SLFN14: variants seen among roughly 807,000 people sequenced by gnomAD.
The protein encoded by SLFN14 is schlafen family member 14.
In SLFN14, 47 loss-of-function variants were observed where a neutral mutation model predicts 58.6. The ratio of observed to expected loss-of-function variants is 0.80; its 90% CI spans 0.64 to 1.02. The LOEUF (loss-of-function observed/expected upper bound fraction) is 1.02. Among genes scored for constraint, SLFN14 ranks in the 50% least tolerant of loss-of-function variants. The probability of loss-of-function intolerance (pLI) is 0.00; values close to 1 mark genes in which losing one functional copy is unlikely to be tolerated. For missense variants in SLFN14, 967 were observed against 1,078.4 expected, an observed-to-expected ratio of 0.90 and a Z score of 1.45; for synonymous variants, 390 against 387.3, an observed-to-expected ratio of 1.01 and a Z score of -0.08.
At position 35,559,717 on chromosome 17, in the gene SLFN14, A is replaced by G. The variant is rs1021011603; in HGVS notation, c.-45+10T>C. 5.3e-5 allele frequency among the ~76,000 whole-genome samples: 8 copies of G among 152,140 alleles called. No homozygotes were observed. The highest frequency in any genetic ancestry group is 9.7e-5 in the African/African-American group (4 of 41,414). On this transcript the variant is annotated intron_variant, in intron 2 of 5. Coordinates refer to ENST00000674182, the MANE Select transcript of SLFN14 (RefSeq NM_001129820.2). Reference sequence around the variant, plus strand: ...AAAGCAGGGGCCCTGTGGGCATTGTATATACTCACCAAGAGGAAGAAAGCA... The same window carrying G: ...AAAGCAGGGGCCCTGTGGGCATTGTGTATACTCACCAAGAGGAAGAAAGCA...
At chr17:35,553,552 G>A (rs2072618763) in intron 4 of SLFN14, 108 bp from the exon 5 acceptor site, 8 of 880,820 alleles carry the variant, frequency 9.1e-6, no homozygotes, top group Non-Finnish European at 1.4e-5. Flanking sequence ...GAAAATAAGA[G>A]CTTTCCTTTA....
At chr17:35,558,685 C>A (rs901036751) in intron 2 of SLFN14, among the ~76,000 whole-genome samples, 1 of 152,130 alleles carries the variant, frequency 6.6e-6, no homozygotes, top group African/African-American at 2.4e-5. Flanking sequence ...AATTAAATTG[C>A]TAACATTTTC....
intron 3 of SLFN14, 46 bp from the exon 4 acceptor site, chr17:35,554,750 TAAAAAAAAA>T (rs10578465): frequency 1.0e-6 from 1 of 972,920 alleles, no homozygotes; most frequent in South Asian, 3.4e-5. Context: ...AATAAAAAGT[TAAAAAAAAA>T]AAAAAAAAAG....
rs1465737790 is a variant in SLFN14, at chr17:35,544,290, T to C, written c.*3949A>G. ...GGGTGGAAAATATCTCTACCTCTAA[T>C]GTTAGTAACTACAAAGGGTATAGAT... On this transcript the variant is annotated 3_prime_UTR_variant, in exon 6 of 6. Coordinates refer to ENST00000674182, the MANE Select transcript of SLFN14 (RefSeq NM_001129820.2). 2.0e-5 allele frequency among the ~76,000 whole-genome samples: 3 copies of C among 152,208 alleles called. No homozygotes were observed. Among genetic ancestry groups the C allele is most frequent in the African/African-American group, 2.4e-5 (1 of 41,434 alleles).
chr17:35,552,635 T>TAC (rs1260772225), intron 5 of SLFN14, 95 bp downstream of exon 5: 15 of 395,206 alleles, frequency 3.8e-5, no homozygotes, highest in African/African-American at 2.1e-4. Flanking sequence ...CACATATATA[T>TAC]ACATATATAT....
Position 35,557,419 on chromosome 17 carries a change from A to G in SLFN14, c.644T>C (p.Phe215Ser). Residue 215 changes from phenylalanine to serine, a missense_variant, in exon 3 of 6, where the codon TTC becomes TCC. Physicochemically the swap from Phe to Ser is radical, Grantham distance 155. Coordinates refer to ENST00000674182, the MANE Select transcript of SLFN14 (RefSeq NM_001129820.2). ...CCGAGGTATGACTTTTTTGGTGGTGAACCTTTTAAATTCAACATGTGTTGA... is the reference window on the plus strand; with the variant it reads ...CCGAGGTATGACTTTTTTGGTGGTGGACCTTTTAAATTCAACATGTGTTGA... The part of the protein sequence containing the change: ...TESTHVEFKR[F>S]TTKKVIPRIK... 1 of 1,551,666 alleles carries G rather than the reference A, an allele frequency of 6.4e-7. No homozygotes were observed. Among genetic ancestry groups the G allele is most frequent in the Non-Finnish European group, 8.7e-7 (1 of 1,146,986 alleles).
At position 35,557,481 on chromosome 17, in the gene SLFN14, G is replaced by C. The variant is rs769806227; in HGVS notation, c.582C>G (p.Asp194Glu). The change falls in exon 3 of 6, where the codon GAC (aspartate) becomes GAG (glutamate). Residue 194 changes from aspartate (D) to glutamate (E), a missense_variant. Transcript: ENST00000674182. ...TGAGTTTCTCCTTATACATGAGTTT[G>C]TCCTTTTTAAAAAATTCTGAGGCCA... Reference protein sequence around the residue: ...RILASEFFKKDKLMYKEKLNF... With the variant: ...RILASEFFKKEKLMYKEKLNF... 8 of 1,551,666 alleles carry C rather than the reference G, an allele frequency of 5.2e-6. No homozygotes were observed. The highest frequency in any genetic ancestry group is 2.7e-5 in the African/African-American group (2 of 73,150).
intron 4 of SLFN14, among the ~76,000 whole-genome samples, chr17:35,553,831 G>A (rs527915287): frequency 8.5e-5 from 13 of 152,088 alleles, no homozygotes; most frequent in Admixed American, 5.2e-4. Flanking sequence ...TAGAGACAGC[G>A]TTTCACCATG....
At position 35,546,299 on chromosome 17, in the gene SLFN14, G is replaced by A. The variant is rs1416887384; in HGVS notation, c.*1940C>T. ...CCAAAACTACCCTAAAGCCCCCAAGGAAAGGTAAAAAGGAAGAAACACCAG... is the reference window on the plus strand; with the variant it reads ...CCAAAACTACCCTAAAGCCCCCAAGAAAAGGTAAAAAGGAAGAAACACCAG... On this transcript the variant is annotated 3_prime_UTR_variant, in exon 6 of 6. Coordinates refer to ENST00000674182, the MANE Select transcript of SLFN14 (RefSeq NM_001129820.2). 6.6e-6 allele frequency among the ~76,000 whole-genome samples: 1 copy of A among 152,148 alleles called. No individual in the cohort carries two copies. Among genetic ancestry groups the A allele is most frequent in the African/African-American group, 2.4e-5 (1 of 41,432 alleles).
chr17:35,550,048 C>T (rs186881969), intron 5 of SLFN14, among the ~76,000 whole-genome samples: 1 of 152,184 alleles, frequency 6.6e-6, no homozygotes, highest in African/African-American at 2.4e-5. Flanking sequence ...TCAACATCAC[C>T]ACCTGCTGTA....
intron 1 of SLFN14, among the ~76,000 whole-genome samples, 187 bp downstream of exon 1, chr17:35,560,580 A>G (rs1316640895): frequency 6.6e-6 from 1 of 152,038 alleles, no homozygotes; most frequent in Non-Finnish European, 1.5e-5. Flanking sequence ...CACCTACCTG[A>G]GCCTCCCAAA....
chr17:35,546,223 A>G lies in SLFN14; in HGVS notation c.*2016T>C, dbSNP rs1218253009. On this transcript the variant is annotated 3_prime_UTR_variant, in exon 6 of 6. Transcript: ENST00000674182. ...TACATCTCCCTACATCAGAATGTCAATGCACTGGCATCTTTTGCAAAACCG... is the reference window on the plus strand; with the variant it reads ...TACATCTCCCTACATCAGAATGTCAGTGCACTGGCATCTTTTGCAAAACCG... 6.6e-6 allele frequency among the ~76,000 whole-genome samples: 1 copy of G among 152,188 alleles called. No homozygotes were observed. The highest frequency in any genetic ancestry group is 1.5e-5 in the Non-Finnish European group (1 of 68,028).
chr17:35,557,765 G>T lies in SLFN14; in HGVS notation c.298C>A (p.Gln100Lys). 1 of 1,551,686 alleles carries T rather than the reference G, an allele frequency of 6.4e-7. No individual in the cohort carries two copies. The highest frequency in any genetic ancestry group is 8.7e-7 in the Non-Finnish European group (1 of 1,146,984). ...AAAATCAGGAGATTGTGCCCCTGCT[G>T]CATGTAGTCAAGGTATTTCTGTGAA... ...SGSQKYLDYM[Q>K]QGHNLLIFVK... The change falls in exon 3 of 6, where the codon CAG becomes AAG. Residue 100 changes from glutamine to lysine, a missense_variant. Coordinates refer to ENST00000674182, the MANE Select transcript of SLFN14 (RefSeq NM_001129820.2).
Position 35,544,893 on chromosome 17 carries a change from C to T in SLFN14, c.*3346G>A, listed in dbSNP as rs1027768061. Among the ~76,000 whole-genome samples, 1 of 152,040 alleles carries T rather than the reference C, an allele frequency of 6.6e-6. No homozygotes were observed. Among genetic ancestry groups the T allele is most frequent in the African/African-American group, 2.4e-5 (1 of 41,394 alleles). On this transcript the variant is annotated 3_prime_UTR_variant, in exon 6 of 6. Transcript: ENST00000674182. The stretch of plus-strand genomic sequence containing the variant: ...AGCTTCCATGATAATATTATATTAC[C>T]CTTCTTTTTAAAAGTAAGTTTTAGA...
At chr17:35,556,107 G>A (rs913782929) in intron 3 of SLFN14, among the ~76,000 whole-genome samples, 3 of 151,858 alleles carry the variant, frequency 2.0e-5, no homozygotes, top group African/African-American at 7.3e-5. Context: ...GAGTGATCTT[G>A]GCTGACTACA....
chr17:35,555,026 T>G (rs1398670149), intron 3 of SLFN14, among the ~76,000 whole-genome samples: 4 of 152,066 alleles, frequency 2.6e-5, no homozygotes, highest in African/African-American at 9.7e-5. Flanking sequence ...AGGTTATCTC[T>G]AAGAAGAAAA....
rs1254634976 is a variant in SLFN14, at chr17:35,557,379, C to A, written c.684G>T (p.Leu228=). ...TGGCAAATGCAGAAACATAATGAGGCAGCATTTCCTTAATCCGAGGTATGA... is the reference window on the plus strand; with the variant it reads ...TGGCAAATGCAGAAACATAATGAGGAAGCATTTCCTTAATCCGAGGTATGA... The part of the protein sequence containing the change: ...KKVIPRIKEM[L]PHYVSAFANT... The change falls in exon 3 of 6, where the codon CTG becomes CTT. Residue 228 remains leucine (L), a synonymous_variant. Transcript: ENST00000674182. 1 of 1,551,672 alleles carries A rather than the reference C, an allele frequency of 6.4e-7. No homozygotes were observed. The highest frequency in any genetic ancestry group is 2.0e-5 in the Admixed American group (1 of 51,008).
chr17:35,550,831 C>T (rs1003140673), intron 5 of SLFN14, among the ~76,000 whole-genome samples: 43 of 152,116 alleles, frequency 2.8e-4, no homozygotes, highest in African/African-American at 1.0e-3. Context: ...TGCATATTTT[C>T]TAAAATTACT....
At chr17:35,558,875 G>A (rs2072677409) in intron 2 of SLFN14, among the ~76,000 whole-genome samples, 1 of 152,054 alleles carries the variant, frequency 6.6e-6, no homozygotes, top group African/African-American at 2.4e-5. Context: ...AACTAAGGAA[G>A]TATAATTTTA....
Sources: gnomAD v4.1 joint callset for allele counts (sites outside exome capture counted in the v4.1 genomes callset) on GRCh38, gnomAD v4.1.1 for gene constraint, MANE v1.5 for transcripts, NCBI Gene and HGNC (gene_info 2026-07-23, HGNC 2026-07-21) for gene names.